Variants in NIM1K observed in about 807,000 individuals in gnomAD.
NIM1K encodes the protein serine/threonine-protein kinase NIM1.
NIM1K carries 35 observed loss-of-function variants against 37.1 expected under a neutral mutation model. The observed-to-expected ratio is 0.94, with a 90% CI of 0.72 to 1.25. The LOEUF (loss-of-function observed/expected upper bound fraction) is 1.25. NIM1K is among the 50% of genes most tolerant of loss of function. The pLI, the probability that NIM1K is intolerant of heterozygous loss-of-function variation, is 0.00. For missense variants in NIM1K, 564 were observed against 548.0 expected (o/e 1.03, Z -0.29); for synonymous variants, 234 against 206.6 (o/e 1.13, Z -1.14).
In NIM1K at chr5:43,232,800, T is replaced by TGCA; in HGVS notation, c.-694-12282_-694-12281insGCA. 5 of 1,072,108 alleles carry TGCA rather than the reference T, an allele frequency of 4.7e-6. No homozygotes were observed. The Admixed American group carries it at 8.8e-5, about 19-fold the overall frequency. The allele number at this position is 1,072,108 out of a possible 1,614,324, so 66.4% of individuals were successfully genotyped here. A position where few individuals can be genotyped will look rare whatever the true frequency, so the allele number is the denominator to read the frequency against. ...GGCGATCCATGCACTGTTCAGCCAG[T>TGCA]TTACAAATTTGGTCCAAAACGAGGT... On this transcript the variant is annotated intron_variant, in intron 1 of 3. Coordinates refer to ENST00000326035, the MANE Select transcript of NIM1K (RefSeq NM_153361.4).
At chr5:43,252,432 A>G (rs1034085016) in intron 2 of NIM1K, among the ~76,000 whole-genome samples, 1 of 152,194 alleles carries the variant, frequency 6.6e-6, no homozygotes, top group Non-Finnish European at 1.5e-5. Flanking sequence ...TATGGCCCCC[A>G]CACCAAACCA....
At chr5:43,252,730 C>T (rs1015641861) in intron 2 of NIM1K, among the ~76,000 whole-genome samples, 5 of 152,262 alleles carry the variant, frequency 3.3e-5, no homozygotes, top group South Asian at 2.1e-4. Flanking sequence ...GGTTGACAGT[C>T]ATCATGAGCC....
intron 1 of NIM1K, among the ~76,000 whole-genome samples, chr5:43,231,648 C>T (rs949505764): frequency 1.3e-5 from 2 of 152,112 alleles, no homozygotes; most frequent in Non-Finnish European, 2.9e-5. Flanking sequence ...CAGAAATGGA[C>T]AGTCTGGGTC....
chr5:43,237,134 C>T (rs1752633991), intron 1 of NIM1K, among the ~76,000 whole-genome samples: 1 of 152,218 alleles, frequency 6.6e-6, no homozygotes, highest in East Asian at 1.9e-4. Flanking sequence ...CTCAGCTTTT[C>T]TTTTAAGGAA....
chr5:43,263,926 T>G (rs991490185), intron 2 of NIM1K, among the ~76,000 whole-genome samples: 1 of 152,060 alleles, frequency 6.6e-6, no homozygotes, highest in Non-Finnish European at 1.5e-5. Context: ...TGTAGTTGAG[T>G]GGTTTTGAGT....
intron 2 of NIM1K, among the ~76,000 whole-genome samples, chr5:43,265,004 G>T (rs1473017692): frequency 2.0e-5 from 3 of 152,180 alleles, no homozygotes; most frequent in African/African-American, 7.2e-5. Context: ...AGTCTGATGG[G>T]CTTCCCTTTG....
chr5:43,218,984 T>C (rs1752345899), intron 1 of NIM1K, among the ~76,000 whole-genome samples: 1 of 152,112 alleles, frequency 6.6e-6, no homozygotes. Context: ...TGGGGAAGGT[T>C]TCCCCATCGG....
chr5:43,220,293 C>CTTTT (rs70994613), intron 1 of NIM1K, among the ~76,000 whole-genome samples: 2 of 130,430 alleles, frequency 1.5e-5, no homozygotes, highest in Admixed American at 7.9e-5. Context: ...GTGGGTATCT[C>CTTTT]TTTTTTTTTT....
intron 1 of NIM1K, among the ~76,000 whole-genome samples, chr5:43,219,784 G>T (rs888197516): frequency 6.6e-6 from 1 of 151,840 alleles, no homozygotes. Flanking sequence ...GTGCAATGGT[G>T]CAGTCTTAGC....
intron 1 of NIM1K, among the ~76,000 whole-genome samples, chr5:43,227,594 A>G (rs1188684133): frequency 1.3e-5 from 2 of 152,094 alleles, no homozygotes; most frequent in African/African-American, 4.8e-5. Flanking sequence ...TAACATTTCT[A>G]GTAGAGAACC....
intron 2 of NIM1K, among the ~76,000 whole-genome samples, chr5:43,262,799 T>A (rs1330946880): frequency 1.3e-5 from 2 of 152,202 alleles, no homozygotes; most frequent in African/African-American, 4.8e-5. Context: ...CCTATTTTAT[T>A]GAGAATTTTT....
At chr5:43,209,826 G>A (rs1469439659) in intron 1 of NIM1K, among the ~76,000 whole-genome samples, 1 of 152,084 alleles carries the variant, frequency 6.6e-6, no homozygotes, top group Admixed American at 6.6e-5. Flanking sequence ...CGTTAGCCAG[G>A]CTGGGCTCGA....
chr5:43,204,868 C>T (rs931346020), intron 1 of NIM1K, among the ~76,000 whole-genome samples: 1 of 152,040 alleles, frequency 6.6e-6, no homozygotes, highest in Non-Finnish European at 1.5e-5. Context: ...AGGTGGCGCT[C>T]GCCTGTAGTC....
intron 1 of NIM1K, among the ~76,000 whole-genome samples, chr5:43,228,781 A>G (rs1752496518): frequency 1.3e-5 from 2 of 152,086 alleles, no homozygotes; most frequent in Admixed American, 1.3e-4. Flanking sequence ...CAGTGAACTG[A>G]GATCGTTCCA....
chr5:43,272,378 C>A (rs997390474), intron 2 of NIM1K, among the ~76,000 whole-genome samples: 1 of 152,056 alleles, frequency 6.6e-6, no homozygotes, highest in Non-Finnish European at 1.5e-5. Flanking sequence ...CACTTTTCCC[C>A]CTAAGCCCAC....
chr5:43,252,441 C>A (rs1201937284), intron 2 of NIM1K, among the ~76,000 whole-genome samples: 2 of 152,058 alleles, frequency 1.3e-5, no homozygotes, highest in Non-Finnish European at 2.9e-5. Context: ...CACACCAAAC[C>A]AACTTGCCCA....
chr5:43,207,781 G>T (rs1752139708), intron 1 of NIM1K: 1 of 441,172 alleles, frequency 2.3e-6, no homozygotes, highest in East Asian at 5.2e-5. Flanking sequence ...TGTGGGTATT[G>T]TACACTCTTT....
At chr5:43,244,431 T>C (rs1671426840) in intron 1 of NIM1K, among the ~76,000 whole-genome samples, 1 of 152,228 alleles carries the variant, frequency 6.6e-6, no homozygotes, top group African/African-American at 2.4e-5. Context: ...GAGTATTTCC[T>C]GCTGGAGAGT....
chr5:43,221,321 C>T (rs1199479520), intron 1 of NIM1K, among the ~76,000 whole-genome samples: 1 of 151,626 alleles, frequency 6.6e-6, no homozygotes, highest in Admixed American at 6.6e-5. Context: ...TGTGGTAGTG[C>T]ATACCTGTAA....
Sources: gnomAD v4.1 joint callset for allele counts (sites outside exome capture counted in the v4.1 genomes callset) on GRCh38, gnomAD v4.1.1 for gene constraint, MANE v1.5 for transcripts, NCBI Gene and HGNC (gene_info 2026-07-23, HGNC 2026-07-21) for gene names.